Variants in C11orf65 observed in about 807,000 individuals in gnomAD.
The protein encoded by C11orf65 is protein MFI.
A neutral mutation model predicts 35.3 loss-of-function variants in C11orf65; 38 were observed. The ratio of observed to expected loss-of-function variants is 1.08; its 90% confidence interval spans 0.83 to 1.41. The LOEUF (loss-of-function observed/expected upper bound fraction) is 1.41. Among genes scored for constraint, C11orf65 ranks in the 40% most tolerant of loss-of-function variants. C11orf65 has a pLI of 0.00. For synonymous variants in C11orf65, 105 were observed against 114.4 expected, an observed-to-expected ratio of 0.92 and a Z score of 0.53; for missense variants, 370 against 367.1, an observed-to-expected ratio of 1.01 and a Z score of -0.06.
In C11orf65 at chr11:108,431,902, G is replaced by C. The variant is rs1268755187; in HGVS notation, c.82-64C>G. The C allele has an allele frequency of 5.1e-6, 5 of 974,722 alleles. No homozygotes were observed. The African/African-American group carries it at 8.2e-5, about 16-fold the overall frequency. 60.4% of individuals were successfully genotyped at this position (974,722 alleles called of 1,614,324 possible). A position where few individuals can be genotyped will look rare whatever the true frequency, so the allele number is the denominator to read the frequency against. ...ATTTTCTATTTCTACTTCGCTTTTT[G>C]TCTAATCAGGGCAAAAACGAATAAA... On this transcript the variant is annotated intron_variant, in intron 2 of 8. Coordinates refer to ENST00000393084, the MANE Select transcript of C11orf65 (RefSeq NM_152587.5).
chr11:108,325,243 TAC>T (rs1490696888), intron 6 of C11orf65: 19 of 1,070,298 alleles, frequency 1.8e-5, no homozygotes, highest in Non-Finnish European at 1.9e-5. Context: ...TTCCAGAACT[TAC>T]ATAGTTTTTT....
chr11:108,436,923 C>A (rs530285618), intron 2 of C11orf65, among the ~76,000 whole-genome samples: 1 of 151,974 alleles, frequency 6.6e-6, no homozygotes, highest in South Asian at 2.1e-4. Flanking sequence ...TGCTTTTAGA[C>A]AAACAAAAGC....
At chr11:108,375,227 C>A (rs1422078393) in intron 2 of C11orf65, among the ~76,000 whole-genome samples, 7 of 151,874 alleles carry the variant, frequency 4.6e-5, no homozygotes, top group Non-Finnish European at 1.0e-4. Context: ...ATGTTAAGGG[C>A]AGCCAGAGAG....
At chr11:108,381,211 A>G (rs1200111024), downstream of C11orf65, among the ~76,000 whole-genome samples, 1 of 152,174 alleles carries the variant, frequency 6.6e-6, no homozygotes, top group Admixed American at 6.5e-5. Flanking sequence ...AGGGATGGAA[A>G]TTAGGTTGGC....
At chr11:108,437,567 G>A (rs1450592590) in intron 2 of C11orf65, among the ~76,000 whole-genome samples, 1 of 151,560 alleles carries the variant, frequency 6.6e-6, no homozygotes, top group African/African-American at 2.4e-5. Flanking sequence ...AGCTGGGCAT[G>A]GTGGCGCATG....
At chr11:108,423,926 G>A (rs946078898) in intron 3 of C11orf65, among the ~76,000 whole-genome samples, 3 of 152,142 alleles carry the variant, frequency 2.0e-5, no homozygotes, top group Non-Finnish European at 4.4e-5. Context: ...AAGACCAAAG[G>A]TAGAGAAAAC....
intron 6 of C11orf65, chr11:108,325,249 GTTTTTTT>G (rs11366542): frequency 7.1e-6 from 4 of 566,214 alleles, no homozygotes; most frequent in Non-Finnish European, 5.9e-6. Context: ...AACTTACATA[GTTTTTTT>G]TTTTTTTTTT....
Position 108,315,916 on chromosome 11 carries a change from A to G in C11orf65, c.641-6845T>C, listed in dbSNP as rs757328753. ...GATGTTACAACCCATTACTAGGTAAATTGCATTTTTCTAAACAACGGTATA... is the reference window on the plus strand; with the variant it reads ...GATGTTACAACCCATTACTAGGTAAGTTGCATTTTTCTAAACAACGGTATA... On this transcript the variant is annotated intron_variant, in intron 6 of 6. Coordinates refer to the C11orf65 transcript ENST00000525729. The G allele has an allele frequency of 9.3e-6, 15 of 1,610,242 alleles. No individual in the cohort carries two copies. Among genetic ancestry groups the G allele is most frequent in the African/African-American group, 1.3e-5 (1 of 74,812 alleles).
At chr11:108,349,080 A>G (rs552791174) in intron 2 of C11orf65, among the ~76,000 whole-genome samples, 1 of 152,316 alleles carries the variant, frequency 6.6e-6, no homozygotes, top group South Asian at 2.1e-4. Context: ...AGACCTAAAG[A>G]TGAAATCATA....
chr11:108,426,049 T>C lies in C11orf65; in HGVS notation c.174+5697A>G, dbSNP rs140598955. The stretch of plus-strand genomic sequence containing the variant: ...AACCCACAGCCAATACCATACTGAA[T>C]GGGCAAAAGCTGGATGCATTCCCTT... On this transcript the variant is annotated intron_variant, in intron 3 of 8. Transcript: ENST00000393084. Among the ~76,000 whole-genome samples the C allele has an allele frequency of 9.3e-4, 142 of 152,272 alleles. 2 individuals are homozygous for C. The East Asian group carries it at 0.02, about 21-fold the overall frequency.
chr11:108,450,854 T>A (rs1240854600), intron 2 of C11orf65, among the ~76,000 whole-genome samples: 1 of 151,948 alleles, frequency 6.6e-6, no homozygotes, highest in Admixed American at 6.6e-5. Flanking sequence ...TGGTTCAACG[T>A]ACACAAATCA....
At chr11:108,408,697 A>AAAT (rs1555166483) in intron 3 of C11orf65, among the ~76,000 whole-genome samples, 1 of 107,136 alleles carries the variant, frequency 9.3e-6, no homozygotes, top group Admixed American at 1.1e-4. Context: ...ATAAAATAAA[A>AAAT]TAAAATAAAA....
At chr11:108,330,480 C>T (rs2136469875), downstream of C11orf65, 2 of 1,544,432 alleles carry the variant, frequency 1.3e-6, no homozygotes, top group Non-Finnish European at 1.8e-6. Flanking sequence ...ACATAAGCCC[C>T]TTGATGTCAG....
rs1218165804 is a variant in C11orf65, at chr11:108,448,176, T to G, written c.81+13303A>C. On this transcript the variant is annotated intron_variant, in intron 2 of 8. Coordinates refer to ENST00000393084, the MANE Select transcript of C11orf65 (RefSeq NM_152587.5). ...CAACCAAAAAAAGTCCAGGACCAGATGGATTCACAGCTGAATTCTACCAGA... is the reference window on the plus strand; with the variant it reads ...CAACCAAAAAAAGTCCAGGACCAGAGGGATTCACAGCTGAATTCTACCAGA... 2.6e-5 allele frequency among the ~76,000 whole-genome samples: 4 copies of G among 152,144 alleles called. No homozygotes were observed. In the East Asian group the frequency reaches 7.7e-4, roughly 29 times the overall value.
intron 3 of C11orf65, among the ~76,000 whole-genome samples, chr11:108,425,486 G>A (rs1447200798): frequency 6.6e-6 from 1 of 152,162 alleles, no homozygotes; most frequent in Non-Finnish European, 1.5e-5. Flanking sequence ...AACAAGTTCT[G>A]AAATTGAGGC....
chr11:108,330,797 C>T (rs1363829476), downstream of C11orf65, among the ~76,000 whole-genome samples: 1 of 151,988 alleles, frequency 6.6e-6, no homozygotes, highest in Non-Finnish European at 1.5e-5. Flanking sequence ...GTGGGTTTTC[C>T]CCCTGCTGCA....
chr11:108,465,879 G>A (rs1351243913), intron 1 of C11orf65, among the ~76,000 whole-genome samples: 1 of 151,680 alleles, frequency 6.6e-6, no homozygotes, highest in Non-Finnish European at 1.5e-5. Context: ...AGCTACTCAG[G>A]AAGGCTGAGG....
chr11:108,353,961 A>G, intron 2 of C11orf65: 1 of 1,372,906 alleles, frequency 7.3e-7, no homozygotes. Context: ...TGCACCTGTA[A>G]TCCCAGCTGC....
At chr11:108,333,994 T>G in intron 3 of C11orf65, 1 of 1,548,030 alleles carries the variant, frequency 6.5e-7, no homozygotes, top group Non-Finnish European at 8.9e-7. Flanking sequence ...CTCTTGATTT[T>G]TTTTAAACTA....
Sources: gnomAD v4.1 joint callset for allele counts (sites outside exome capture counted in the v4.1 genomes callset) on GRCh38, gnomAD v4.1.1 for gene constraint, MANE v1.5 for transcripts, NCBI Gene and HGNC (gene_info 2026-07-23, HGNC 2026-07-21) for gene names.